SLC30A4: variants seen among roughly 807,000 people sequenced by gnomAD.
SLC30A4 encodes probable proton-coupled zinc antiporter SLC30A4.
In SLC30A4, 20 loss-of-function variants were observed where a neutral mutation model predicts 41.7. The observed-to-expected ratio is 0.48, with a 90% CI of 0.34 to 0.70. The LOEUF (loss-of-function observed/expected upper bound fraction) is 0.70. Ranked by LOEUF, SLC30A4 falls within the 30% of genes least tolerant of loss-of-function variation. The pLI is 0.01. For missense variants in SLC30A4, 441 were observed against 529.3 expected, an observed-to-expected ratio of 0.83 and a Z score of 1.64; for synonymous variants, 181 against 195.9, an observed-to-expected ratio of 0.92 and a Z score of 0.64.
At chr15:45,497,566 T>TA (rs1891932822) in intron 3 of SLC30A4, among the ~76,000 whole-genome samples, 1 of 152,026 alleles carries the variant, frequency 6.6e-6, no homozygotes. Flanking sequence ...AAAACTAAAA[T>TA]ACACCCTGAA....
intron 3 of SLC30A4, among the ~76,000 whole-genome samples, chr15:45,491,265 C>T (rs1333866949): frequency 6.6e-6 from 1 of 152,146 alleles, no homozygotes; most frequent in Non-Finnish European, 1.5e-5. Flanking sequence ...TATGGATCCT[C>T]CACTAATTTA....
intron 3 of SLC30A4, among the ~76,000 whole-genome samples, chr15:45,510,733 T>C (rs2140849314): frequency 6.6e-6 from 1 of 152,350 alleles, no homozygotes; most frequent in East Asian, 1.9e-4. Flanking sequence ...CCACACAGCA[T>C]ACATTATACC....
chr15:45,511,639 A>G (rs1219212616), intron 2 of SLC30A4, among the ~76,000 whole-genome samples: 1 of 152,076 alleles, frequency 6.6e-6, no homozygotes, highest in Non-Finnish European at 1.5e-5. Context: ...ACGTGCCACC[A>G]CGCCCGGCTA....
chr15:45,505,355 T>C (rs897997105), intron 3 of SLC30A4, among the ~76,000 whole-genome samples: 1 of 151,386 alleles, frequency 6.6e-6, no homozygotes, highest in African/African-American at 2.4e-5. Flanking sequence ...CAGAAACACA[T>C]CCATATAACA....
In SLC30A4 at chr15:45,522,409, C is replaced by G; in HGVS notation, c.-55G>C. 6.6e-7 allele frequency: 1 copy of G among 1,505,720 alleles called. No individual in the cohort carries two copies. The allele number at this position is 1,505,720 out of a possible 1,614,324, so 93.3% of individuals were successfully genotyped here. On this transcript the variant is annotated 5_prime_UTR_variant, in exon 2 of 8. Coordinates refer to ENST00000261867, the MANE Select transcript of SLC30A4 (RefSeq NM_013309.6). The stretch of plus-strand genomic sequence containing the variant: ...CGGCTTGGGGGAGGCGGACGGCCGG[C>G]GGCGCCTACTTCACCGGAGCGCCAG...
At chr15:45,508,456 C>G (rs1420636326) in intron 3 of SLC30A4, among the ~76,000 whole-genome samples, 1 of 152,196 alleles carries the variant, frequency 6.6e-6, no homozygotes, top group Non-Finnish European at 1.5e-5. Flanking sequence ...CCCCAATTCT[C>G]ATTTCTGCTC....
chr15:45,491,828 G>A (rs2140817758), intron 3 of SLC30A4, among the ~76,000 whole-genome samples: 1 of 151,536 alleles, frequency 6.6e-6, no homozygotes, highest in South Asian at 2.1e-4. Flanking sequence ...GTATGCTACT[G>A]GACTCCAGCC....
intron 3 of SLC30A4, among the ~76,000 whole-genome samples, chr15:45,507,504 T>TA (rs1409482006): frequency 1.3e-5 from 2 of 150,232 alleles, no homozygotes; most frequent in Non-Finnish European, 3.0e-5. Context: ...TTTTCCTTTT[T>TA]TTTTTTTTTG....
In SLC30A4 at chr15:45,483,249, T is replaced by C. The variant is rs949290113; in HGVS notation, c.*1914A>G. The C allele has an allele frequency of 4.6e-5, 7 of 152,212 alleles. No individual in the cohort carries two copies. The allele number at this position is 152,212 out of a possible 1,614,324, so 9.4% of individuals were successfully genotyped here. ...GTACTTGGTAAGAAGATAAAATGTTTCCTATTCTTCATTTATATTGTAAGT... is the reference window on the plus strand; with the variant it reads ...GTACTTGGTAAGAAGATAAAATGTTCCCTATTCTTCATTTATATTGTAAGT... On this transcript the variant is annotated 3_prime_UTR_variant, in exon 8 of 8. Coordinates refer to ENST00000261867, the MANE Select transcript of SLC30A4 (RefSeq NM_013309.6).
chr15:45,500,356 CAGA>C (rs1478903134), intron 3 of SLC30A4, among the ~76,000 whole-genome samples: 1 of 152,148 alleles, frequency 6.6e-6, no homozygotes, highest in Non-Finnish European at 1.5e-5. Context: ...TCCTAGTTTA[CAGA>C]AGAAGAAACT....
rs1271330350 is a variant in SLC30A4, at chr15:45,484,317, G to A, written c.*846C>T. 1 of 152,172 alleles carries A rather than the reference G, an allele frequency of 6.6e-6. No individual in the cohort carries two copies. Among genetic ancestry groups the A allele is most frequent in the East Asian group, 1.9e-4 (1 of 5,194 alleles). The allele number at this position is 152,172 out of a possible 1,614,324, so 9.4% of individuals were successfully genotyped here. On this transcript the variant is annotated 3_prime_UTR_variant, in exon 8 of 8. Coordinates refer to ENST00000261867, the MANE Select transcript of SLC30A4 (RefSeq NM_013309.6). ...TCTTGCTTTTTTAAGACAATTTCAT[G>A]AATGATAAAAGTGATGTCGGGAAGA...
intron 2 of SLC30A4, among the ~76,000 whole-genome samples, chr15:45,514,560 G>T (rs1201957460): frequency 2.1e-5 from 3 of 143,442 alleles, no homozygotes; most frequent in Non-Finnish European, 3.0e-5. Context: ...TGTCACCCAG[G>T]TTGGAGTACA....
At chr15:45,516,056 C>T (rs912492331) in intron 2 of SLC30A4, among the ~76,000 whole-genome samples, 8 of 152,116 alleles carry the variant, frequency 5.3e-5, no homozygotes, top group Non-Finnish European at 1.0e-4. Context: ...TGAGCTACTG[C>T]GCCCACCCTG....
chr15:45,486,340 C>T (rs1891706357), intron 7 of SLC30A4, among the ~76,000 whole-genome samples: 1 of 152,084 alleles, frequency 6.6e-6, no homozygotes, highest in South Asian at 2.1e-4. Flanking sequence ...TTCTTAATAC[C>T]TTTAATCTGA....
chr15:45,503,939 T>G (rs1195994536), intron 3 of SLC30A4, among the ~76,000 whole-genome samples: 2 of 151,916 alleles, frequency 1.3e-5, no homozygotes, highest in Non-Finnish European at 2.9e-5. Context: ...AGAGTGGAAC[T>G]CAGTCTCCAA....
chr15:45,514,739 C>A (rs1047849927), intron 2 of SLC30A4, among the ~76,000 whole-genome samples: 1 of 151,142 alleles, frequency 6.6e-6, no homozygotes, highest in African/African-American at 2.4e-5. Context: ...GGTCTCGAAC[C>A]CCTAACCTCA....
chr15:45,488,132 G>A (rs1239146350), intron 5 of SLC30A4, among the ~76,000 whole-genome samples: 6 of 152,100 alleles, frequency 3.9e-5, no homozygotes. Context: ...TTGTAATAAA[G>A]AAGAGGGAAC....
At chr15:45,521,929 A>G in intron 2 of SLC30A4, 35 bp downstream of exon 2, 1 of 1,589,572 alleles carries the variant, frequency 6.3e-7, no homozygotes, top group South Asian at 1.1e-5. Flanking sequence ...TCTCGAGGAA[A>G]GGTAAACGGA....
At chr15:45,509,610 G>T (rs1381355142) in intron 3 of SLC30A4, among the ~76,000 whole-genome samples, 1 of 152,108 alleles carries the variant, frequency 6.6e-6, no homozygotes, top group Non-Finnish European at 1.5e-5. Flanking sequence ...CTTCACTTGG[G>T]GCTTTAGCTC....
Sources: gnomAD v4.1 joint callset for allele counts (sites outside exome capture counted in the v4.1 genomes callset) on GRCh38, gnomAD v4.1.1 for gene constraint, MANE v1.5 for transcripts, NCBI Gene and HGNC (gene_info 2026-07-23, HGNC 2026-07-21) for gene names.